Variants in BABAM2 observed in about 807,000 individuals in gnomAD.
BABAM2 encodes BRISC and BRCA1 A complex member 2, also known as BRISC and BRCA1-A complex member 2.
In BABAM2, 31 loss-of-function variants were observed where a neutral mutation model predicts 54.7. That is an observed-to-expected ratio of 0.57 (90% CI 0.43 to 0.77). The LOEUF (loss-of-function observed/expected upper bound fraction) is 0.77. BABAM2 is among the 30% of genes least tolerant of loss of function. The pLI, the probability that BABAM2 is intolerant of heterozygous loss-of-function variation, is 0.00. For missense variants in BABAM2, 364 were observed against 455.8 expected (o/e 0.80, Z 1.83); for synonymous variants, 167 against 162.9 (o/e 1.03, Z -0.19).
At chr2:28,185,727 A>AT (rs1216146158) in intron 7 of BABAM2, among the ~76,000 whole-genome samples, 6 of 151,218 alleles carry the variant, frequency 4.0e-5, no homozygotes, top group Non-Finnish European at 7.4e-5. Context: ...TTGAAGAATT[A>AT]TTTTTTTTGC....
intron 10 of BABAM2, among the ~76,000 whole-genome samples, chr2:28,256,947 G>A (rs1427170667): frequency 2.0e-5 from 3 of 151,818 alleles, no homozygotes; most frequent in Non-Finnish European, 4.4e-5. Flanking sequence ...CACCCACCTC[G>A]GCCTCCCAAA....
At chr2:28,053,053 T>G (rs531117349) in intron 6 of BABAM2, among the ~76,000 whole-genome samples, 2 of 152,360 alleles carry the variant, frequency 1.3e-5, no homozygotes, top group South Asian at 4.1e-4. Context: ...GATATTCACT[T>G]TATTTAAAAT....
chr2:28,091,903 C>T (rs1471747819), intron 6 of BABAM2, among the ~76,000 whole-genome samples: 1 of 152,100 alleles, frequency 6.6e-6, no homozygotes, highest in Non-Finnish European at 1.5e-5. Flanking sequence ...TTTTAGTCTG[C>T]ATGTTGCTAA....
At chr2:28,327,192 GC>G (rs1241740951) in intron 11 of BABAM2, 2 of 1,419,680 alleles carry the variant, frequency 1.4e-6, no homozygotes, top group Non-Finnish European at 1.9e-6. Context: ...AGGCTCAGGA[GC>G]CCATTAGGAC....
chr2:28,322,912 G>A lies in BABAM2; in HGVS notation c.1089-15538G>A, dbSNP rs1022283144. Among the ~76,000 whole-genome samples the A allele has an allele frequency of 1.3e-5, 2 of 152,236 alleles. No individual in the cohort carries two copies. Among genetic ancestry groups the A allele is most frequent in the Admixed American group, 6.5e-5 (1 of 15,290 alleles). ...ATTATTGTCATTAAAGGGGCTAGAC[G>A]TCTGGCCTGCTGGATAATATCCCCA... On this transcript the variant is annotated intron_variant, in intron 11 of 11. Coordinates refer to ENST00000379624, the MANE Select transcript of BABAM2 (RefSeq NM_199191.3). This position sits in a 1 kb window ranked among gnomAD's most constrained non-coding sequence, Gnocchi z 4.1.
chr2:27,977,791 G>C (rs143302538), intron 3 of BABAM2, among the ~76,000 whole-genome samples: 3 of 152,284 alleles, frequency 2.0e-5, no homozygotes, highest in African/African-American at 7.2e-5. Flanking sequence ...ATGAGGAATA[G>C]TGAAGGAGAC....
At position 28,235,737 on chromosome 2, in the gene BABAM2, A is replaced by G. The variant is rs1264249779; in HGVS notation, c.681-1465A>G. 2.0e-5 allele frequency among the ~76,000 whole-genome samples: 3 copies of G among 152,018 alleles called. 1 individual carries two copies. The highest frequency in any genetic ancestry group is 6.5e-5 in the Admixed American group (1 of 15,268). ...AGAGGCACGATCTCGGCTCACTGCA[A>G]CCTCTGCCTCCAAGTTCAAGTGATC... On this transcript the variant is annotated intron_variant, in intron 7 of 11. Transcript: ENST00000379624.
intron 7 of BABAM2, among the ~76,000 whole-genome samples, chr2:28,212,456 C>A (rs935748408): frequency 3.2e-4 from 49 of 152,246 alleles, no homozygotes; most frequent in African/African-American, 1.2e-3. Flanking sequence ...CTCTTTTACC[C>A]TCTCCCTCAT....
Position 28,149,328 on chromosome 2 carries a change from G to C in BABAM2, c.680+19948G>C, listed in dbSNP as rs994251049. 2.0e-5 allele frequency among the ~76,000 whole-genome samples: 3 copies of C among 152,256 alleles called. No homozygotes were observed. In the South Asian group the frequency reaches 6.2e-4, roughly 32 times the overall value. On this transcript the variant is annotated intron_variant, in intron 7 of 11. Transcript: ENST00000379624. ...GAACCTTCACCTGGTGTCCTAATCA[G>C]AGTGATGGCCTTCATTCCCCCGTCT...
chr2:28,116,804 G>A (rs1668654219), intron 6 of BABAM2, among the ~76,000 whole-genome samples: 1 of 152,160 alleles, frequency 6.6e-6, no homozygotes, highest in Non-Finnish European at 1.5e-5. Flanking sequence ...ATTTGCAAAA[G>A]CTGTGTAAAC....
At chr2:28,092,232 AAAAT>A (rs1336567483) in intron 6 of BABAM2, among the ~76,000 whole-genome samples, 2 of 152,200 alleles carry the variant, frequency 1.3e-5, no homozygotes, top group East Asian at 1.9e-4. Context: ...AAGACGAGAA[AAAAT>A]AAATAAAAGA....
At chr2:28,139,321 CAAAAAAAAAAA>C (rs768755922) in intron 7 of BABAM2, among the ~76,000 whole-genome samples, 3 of 87,090 alleles carry the variant, frequency 3.4e-5, no homozygotes, top group African/African-American at 1.7e-4. Context: ...AACTCCGTCT[CAAAAAAAAAAA>C]AAAAAAAAAA....
chr2:28,241,228 C>T, intron 8 of BABAM2, 95 bp from the exon 9 acceptor site: 1 of 1,228,276 alleles, frequency 8.1e-7, no homozygotes, highest in Non-Finnish European at 1.2e-6. Context: ...GTTCACTTTA[C>T]TATTCTTTCT....
intron 5 of BABAM2, 109 bp from the exon 6 acceptor site, chr2:28,045,616 T>G (rs1269431617): frequency 3.6e-6 from 3 of 830,316 alleles, no homozygotes; most frequent in Non-Finnish European, 5.4e-6. Context: ...GAAAACCAAA[T>G]TGAAGATGCC....
At chr2:27,979,316 G>A (rs756088537) in intron 3 of BABAM2, among the ~76,000 whole-genome samples, 1 of 151,868 alleles carries the variant, frequency 6.6e-6, no homozygotes, top group Non-Finnish European at 1.5e-5. Flanking sequence ...TTACAGGTGT[G>A]AGCCACTGCG....
chr2:28,248,231 C>T (rs1247305896), intron 10 of BABAM2, among the ~76,000 whole-genome samples: 4 of 10,904 alleles, frequency 3.7e-4, no homozygotes, highest in African/African-American at 6.8e-4. Context: ...TTTTTTGAGA[C>T]GGAGTTTTGC....
rs1311995146 is a variant in BABAM2, at chr2:28,049,084, G to C, written c.570+3285G>C. On this transcript the variant is annotated intron_variant, in intron 6 of 11. Coordinates refer to ENST00000379624, the MANE Select transcript of BABAM2 (RefSeq NM_199191.3). ...TTTTATTCTCTGAACAAGAAGCTTA[G>C]AAACTAAGAATACAGTATTTTGGGG... Among the ~76,000 whole-genome samples, 7 of 152,316 alleles carry C rather than the reference G, an allele frequency of 4.6e-5. 1 individual carries two copies.
intron 7 of BABAM2, among the ~76,000 whole-genome samples, chr2:28,198,314 C>CA (rs909365346): frequency 6.6e-6 from 1 of 151,930 alleles, no homozygotes; most frequent in African/African-American, 2.4e-5. Context: ...CAGGTGCCCG[C>CA]AAAAAATGCC....
chr2:28,195,024 T>C (rs1284078410), intron 7 of BABAM2, among the ~76,000 whole-genome samples: 1 of 152,208 alleles, frequency 6.6e-6, no homozygotes, highest in Non-Finnish European at 1.5e-5. Flanking sequence ...GGGGATCATA[T>C]ACCAGAGAGA....
Sources: allele counts gnomAD v4.1 joint callset (sites outside exome capture counted in the v4.1 genomes callset), GRCh38; gene constraint gnomAD v4.1.1; non-coding constraint Gnocchi (gnomAD v3.1); transcripts MANE v1.5; gene names NCBI Gene and HGNC (gene_info 2026-07-23, HGNC 2026-07-21).